The following TRPC6 variants were observed in gnomAD, a reference collection of about 807,000 sequenced individuals.
TRPC6 encodes short transient receptor potential channel 6.
TRPC6 carries 55 observed loss-of-function variants against 90.7 expected under a neutral mutation model. That is an observed-to-expected ratio of 0.61 (90% confidence interval 0.49 to 0.76). The LOEUF is 0.76. Among genes scored for constraint, TRPC6 ranks in the 30% least tolerant of loss-of-function variants. The probability of loss-of-function intolerance (pLI) is 0.00; values close to 1 mark genes in which losing one functional copy is unlikely to be tolerated. For missense variants in TRPC6, 989 were observed against 1,122.7 expected (o/e 0.88, Z 1.70); for synonymous variants, 393 against 393.0 (o/e 1.00, Z 0.00).
rs1442186298 is a variant in TRPC6, at chr11:101,455,009, C to T, written c.2568+9G>A. On this transcript the variant is annotated intron_variant, in intron 11 of 12. Coordinates refer to ENST00000344327, the MANE Select transcript of TRPC6 (RefSeq NM_004621.6). ...AACTAGTTTTATTCCTTTAAAAATC[C>T]ATGCTTACCTGATATTGTCTTGGAG... 1.2e-6 allele frequency: 2 copies of T among 1,603,884 alleles called. No individual in the cohort carries two copies. Among genetic ancestry groups the T allele is most frequent in the African/African-American group, 1.3e-5 (1 of 74,450 alleles).
At chr11:101,471,109 A>T in intron 9 of TRPC6, 74 bp downstream of exon 9, 1 of 1,441,884 alleles carries the variant, frequency 6.9e-7, no homozygotes, top group Non-Finnish European at 9.7e-7. Context: ...GCTTCTCTTT[A>T]AAGGGATGTG....
intron 1 of TRPC6, among the ~76,000 whole-genome samples, chr11:101,582,544 C>T (rs1862220870): frequency 7.3e-6 from 1 of 137,052 alleles, no homozygotes; most frequent in African/African-American, 2.7e-5. Context: ...CCCTACCTCC[C>T]CTCCCGCCAC....
chr11:101,480,685 G>A (rs1457838677), intron 5 of TRPC6, among the ~76,000 whole-genome samples: 4 of 152,040 alleles, frequency 2.6e-5, no homozygotes, highest in Non-Finnish European at 5.9e-5. Context: ...TAAATGCTCA[G>A]TGAAAAGTTG....
intron 1 of TRPC6, among the ~76,000 whole-genome samples, chr11:101,553,046 A>G (rs6590886): frequency 0.74 from 113,111 of 152,034 alleles, 42,882 homozygotes; most frequent in East Asian, 1. Flanking sequence ...GCAGAAATTC[A>G]GGAAGTAGAG....
At chr11:101,573,349 G>C (rs1408375852) in intron 1 of TRPC6, among the ~76,000 whole-genome samples, 4 of 152,128 alleles carry the variant, frequency 2.6e-5, no homozygotes, top group Non-Finnish European at 4.4e-5. Context: ...AAACAAAACA[G>C]TCAAATATGA....
At position 101,583,482 on chromosome 11, in the gene TRPC6, C is replaced by G. The variant is rs1400025047; in HGVS notation, c.22G>C (p.Gly8Arg). The G allele has an allele frequency of 6.0e-6, 9 of 1,508,486 alleles. No individual in the cohort carries two copies. The highest frequency in any genetic ancestry group is 2.1e-5 in the Admixed American group (1 of 48,142). 93.4% of individuals were successfully genotyped at this position (1,508,486 alleles called of 1,614,324 possible). A position where few individuals can be genotyped will look rare whatever the true frequency, so the allele number is the denominator to read the frequency against. Residue 8 changes from glycine (G) to arginine (R), a missense_variant, in exon 1 of 13, where the codon GGG (glycine) becomes CGG (arginine). Transcript: ENST00000344327. ...CGGGGAGAACTGCCCCTCCGGGGCC[C>G]GAACGCCGGGCTCTGGCTCATGGCG... MSQSPAFGPRRGSSPRGA... is the reference protein window; with the variant it reads MSQSPAFRPRRGSSPRGA...
rs151059193 is a variant in TRPC6 at position 101,569,003 on chromosome 11, C to T, written c.170+14331G>A. On this transcript the variant is annotated intron_variant, in intron 1 of 12. Transcript: ENST00000344327. ...TCATAATGGCAGGATGAAATTCACA[C>T]ATAACAATATTGACCTTAAATGTAA... 2.6e-3 allele frequency among the ~76,000 whole-genome samples: 397 copies of T among 152,204 alleles called. 3 individuals carry two copies. The highest frequency in any genetic ancestry group is 9.2e-3 in the African/African-American group (382 of 41,536).
rs747283143 is a variant in TRPC6, at chr11:101,491,628, C to G, written c.1056G>C (p.Thr352=). The stretch of plus-strand genomic sequence containing the variant: ...GGCGACCGTGATCACCACTCTGGAG[C>G]GTTTCAACATCCCCATTCAGAATGG... ...VEAILNGDVE[T]LQSGDHGRPN... The change falls in exon 3 of 13, where the codon ACG becomes ACC. Residue 352 remains threonine (T), a synonymous_variant. Coordinates refer to ENST00000344327, the MANE Select transcript of TRPC6 (RefSeq NM_004621.6). 3.1e-6 allele frequency: 5 copies of G among 1,613,824 alleles called. No individual in the cohort carries two copies. Among genetic ancestry groups the G allele is most frequent in the Non-Finnish European group, 4.2e-6 (5 of 1,180,012 alleles).
chr11:101,568,956 T>C (rs946709754), intron 1 of TRPC6, among the ~76,000 whole-genome samples: 1 of 152,124 alleles, frequency 6.6e-6, no homozygotes, highest in African/African-American at 2.4e-5. Context: ...CTGCAACTAA[T>C]GGGCAAAATA....
At position 101,470,823 on chromosome 11, in the gene TRPC6, C is replaced by G. The variant is rs1486724602; in HGVS notation, c.2409+360G>C. Among the ~76,000 whole-genome samples, 18 of 117,990 alleles carry G rather than the reference C, an allele frequency of 1.5e-4. 1 individual carries two copies. The highest frequency in any genetic ancestry group is 2.9e-4 in the Admixed American group (3 of 10,306). The allele number at this position is 117,990 out of a possible 152,430, so 77.4% of individuals were successfully genotyped here. A position where few individuals can be genotyped will look rare whatever the true frequency, so the allele number is the denominator to read the frequency against. ...AGTTGCCCCGCCCCCCCCCCCTCCC[C>G]GAGTCATAACAAGCTGCTGCCGATT... is the stretch of plus-strand genomic sequence containing the variant. On this transcript the variant is annotated intron_variant, in intron 9 of 12. Coordinates refer to ENST00000344327, the MANE Select transcript of TRPC6 (RefSeq NM_004621.6).
chr11:101,500,067 A>G lies in TRPC6; in HGVS notation c.945+3957T>C, dbSNP rs11224795. Among the ~76,000 whole-genome samples, 895 of 144,360 alleles carry G rather than the reference A, an allele frequency of 6.2e-3. 214 individuals are homozygous for G. Among genetic ancestry groups the G allele is most frequent in the African/African-American group, 0.022 (842 of 38,834 alleles). 94.7% of individuals were successfully genotyped at this position (144,360 alleles called of 152,430 possible). A position where few individuals can be genotyped will look rare whatever the true frequency, so the allele number is the denominator to read the frequency against. On this transcript the variant is annotated intron_variant, in intron 2 of 12. Coordinates refer to ENST00000344327, the MANE Select transcript of TRPC6 (RefSeq NM_004621.6). ...TACAATATAAAATATGTGTGTGTGT[A>G]TATATATATATACACACACACAATT... is the stretch of plus-strand genomic sequence containing the variant.
In TRPC6 at chr11:101,453,766, T is replaced by G. The variant is rs200719074; in HGVS notation, c.2569-41A>C. On this transcript the variant is annotated intron_variant, in intron 11 of 12. Transcript: ENST00000344327. ...AGGAGAAATCTATGTCAGTTTCAGGTTCATGACAAATCTCTCATTTGGAAC... is the reference window on the plus strand; with the variant it reads ...AGGAGAAATCTATGTCAGTTTCAGGGTCATGACAAATCTCTCATTTGGAAC... 2.2e-4 allele frequency: 340 copies of G among 1,578,628 alleles called. 3 individuals are homozygous for G. In the East Asian group the frequency reaches 5.3e-3, roughly 24 times the overall value.
chr11:101,507,873 T>C (rs1860310695), intron 1 of TRPC6, among the ~76,000 whole-genome samples: 1 of 152,150 alleles, frequency 6.6e-6, no homozygotes, highest in South Asian at 2.1e-4. Context: ...ATCATTTTGT[T>C]TTCTGCTTTC....
In TRPC6 at chr11:101,504,393, T is replaced by C; in HGVS notation, c.576A>G (p.Leu192=). The change falls in exon 2 of 13, where the codon TTA becomes TTG. Residue 192 remains leucine (L), a synonymous_variant. Coordinates refer to ENST00000344327, the MANE Select transcript of TRPC6 (RefSeq NM_004621.6). ...GTTCAGACTGGCTAGGGCTGGTTGC[T>C]AACCTCTTGCCTTCAGCAAAAGCCG... ...SHPAFAEGKR[L]ATSPSQSELQ... is the part of the protein sequence containing the mutation. The C allele has an allele frequency of 1.2e-6, 2 of 1,614,150 alleles. No individual in the cohort carries two copies. Among genetic ancestry groups the C allele is most frequent in the Non-Finnish European group, 1.7e-6 (2 of 1,180,016 alleles).
At chr11:101,576,184 G>A (rs1043121253) in intron 1 of TRPC6, among the ~76,000 whole-genome samples, 1 of 152,164 alleles carries the variant, frequency 6.6e-6, no homozygotes, top group Non-Finnish European at 1.5e-5. Context: ...TAGCTGAGTA[G>A]ATGCTCTGAA....
intron 1 of TRPC6, among the ~76,000 whole-genome samples, chr11:101,567,842 C>A (rs1861870866): frequency 6.6e-6 from 1 of 152,136 alleles, no homozygotes; most frequent in African/African-American, 2.4e-5. Flanking sequence ...AAAGGACATC[C>A]ACTCACAGAC....
intron 1 of TRPC6, among the ~76,000 whole-genome samples, chr11:101,513,986 T>C (rs1343363689): frequency 6.6e-6 from 1 of 152,208 alleles, no homozygotes; most frequent in Non-Finnish European, 1.5e-5. Flanking sequence ...TTTCACTCTA[T>C]ATGTGACTGC....
chr11:101,575,075 A>G (rs1862042525), intron 1 of TRPC6, among the ~76,000 whole-genome samples: 2 of 152,138 alleles, frequency 1.3e-5, no homozygotes, highest in Admixed American at 1.3e-4. Flanking sequence ...ATATTTTTAG[A>G]CGAATACCAT....
At position 101,514,467 on chromosome 11, in the gene TRPC6, C is replaced by T. The variant is rs140231667; in HGVS notation, c.171-9669G>A. On this transcript the variant is annotated intron_variant, in intron 1 of 12. Coordinates refer to ENST00000344327, the MANE Select transcript of TRPC6 (RefSeq NM_004621.6). ...AGAGGAGGGAAGAGGAGACTCAGCCCGCAGGCAGAGAAAATCACAGTTGTT... is the reference window on the plus strand; with the variant it reads ...AGAGGAGGGAAGAGGAGACTCAGCCTGCAGGCAGAGAAAATCACAGTTGTT... 4.8e-3 allele frequency among the ~76,000 whole-genome samples: 738 copies of T among 152,170 alleles called. 8 individuals carry two copies. The highest frequency in any genetic ancestry group is 0.016 in the African/African-American group (670 of 41,502).
Sources: allele counts gnomAD v4.1 joint callset (sites outside exome capture counted in the v4.1 genomes callset), GRCh38; gene constraint gnomAD v4.1.1; transcripts MANE v1.5; gene names NCBI Gene and HGNC (gene_info 2026-07-23, HGNC 2026-07-21).